NRXN2: variants seen among roughly 807,000 people sequenced by gnomAD.
The protein encoded by NRXN2 is neurexin 2.
NRXN2 carries 29 observed loss-of-function variants against 128.8 expected under a neutral mutation model. The observed-to-expected ratio is 0.23, with a 90% CI of 0.17 to 0.31. The LOEUF is 0.31. Among genes scored for constraint, NRXN2 ranks in the 10% least tolerant of loss-of-function variants. The pLI, the probability that NRXN2 is intolerant of heterozygous loss-of-function variation, is 1.00. For synonymous variants in NRXN2, 1,098 were observed against 1,075.2 expected (o/e 1.02, Z -0.41); for missense variants, 1,881 against 2,452.6 (o/e 0.77, Z 4.92).
Position 64,651,533 on chromosome 11 carries a change from C to T in NRXN2, c.2640G>A (p.Gly880=), listed in dbSNP as rs757725675. Residue 880 remains glycine (G), a synonymous_variant, in exon 14 of 23, where the codon GGG becomes GGA. Transcript: ENST00000265459. This position sits in a 1 kb window ranked among gnomAD's most constrained non-coding sequence, Gnocchi z 5.9. The part of the protein sequence containing the change: ...FISVVPSNFI[G]HLSGLVFNGQ... ...CATTGAACACGAGCCCACTCAGATG[C>T]CCGATGAAGTTGGAGGGCACCACGG... 11 of 1,614,074 alleles carry T rather than the reference C, an allele frequency of 6.8e-6. No homozygotes were observed. Among genetic ancestry groups the T allele is most frequent in the Non-Finnish European group, 8.5e-6 (10 of 1,180,038 alleles).
chr11:64,695,353 A>G (rs549367561), intron 3 of NRXN2, among the ~76,000 whole-genome samples: 1 of 152,266 alleles, frequency 6.6e-6, no homozygotes, highest in East Asian at 1.9e-4. Context: ...GCTGGGAGGA[A>G]AAAGGAGGTG....
At chr11:64,650,088 G>A (rs1422539075) in intron 15 of NRXN2, among the ~76,000 whole-genome samples, 1 of 152,078 alleles carries the variant, frequency 6.6e-6, no homozygotes, top group African/African-American at 2.4e-5. Flanking sequence ...CACCCAGGAG[G>A]ATGCTAAGCT....
chr11:64,635,033 G>A lies in NRXN2; in HGVS notation c.3585+238C>T, dbSNP rs945793363. ...CACAGGTGGTCTCAGGGAGTGGGGA[G>A]CTGGAGAAATTCGAATCAGATGGGA... On this transcript the variant is annotated intron_variant, in intron 18 of 22. Coordinates refer to ENST00000265459, the MANE Select transcript of NRXN2 (RefSeq NM_015080.4). The surrounding 1 kb of genome is among the most constrained non-coding windows in gnomAD (Gnocchi z 4.8). Among the ~76,000 whole-genome samples, 1 of 152,204 alleles carries A rather than the reference G, an allele frequency of 6.6e-6. No individual in the cohort carries two copies. Among genetic ancestry groups the A allele is most frequent in the African/African-American group, 2.4e-5 (1 of 41,450 alleles).
Position 64,713,506 on chromosome 11 carries a change from AGC to A in NRXN2, c.192_193del (p.Leu65AlafsTer231), listed in dbSNP as rs1258839173. 2.6e-6 allele frequency: 4 copies of A among 1,518,988 alleles called. No individual in the cohort carries two copies. The highest frequency in any genetic ancestry group is 3.5e-6 in the Non-Finnish European group (4 of 1,142,278). The allele number at this position is 1,518,988 out of a possible 1,614,324, so 94.1% of individuals were successfully genotyped here. A position where few individuals can be genotyped will look rare whatever the true frequency, so the allele number is the denominator to read the frequency against. On this transcript the variant is annotated frameshift_variant, in exon 2 of 23. Coordinates refer to ENST00000265459, the MANE Select transcript of NRXN2 (RefSeq NM_015080.4). LOFTEE classifies it high-confidence loss of function. Reference sequence around the variant, plus strand: ...GCCGCCGTCGTCCAGGTAGAGCAGCAGCGCGCGCGTGGCGTTGGTGCGCAGGC... The same window carrying A: ...GCCGCCGTCGTCCAGGTAGAGCAGCAGCGCGCGTGGCGTTGGTGCGCAGGC...
Position 64,661,294 on chromosome 11 carries a change from C to G in NRXN2, c.1799-155G>C, listed in dbSNP as rs1304873994. 3.3e-6 allele frequency: 5 copies of G among 1,509,254 alleles called. No homozygotes were observed. The East Asian group carries it at 7.3e-5, about 22-fold the overall frequency. 93.5% of individuals were successfully genotyped at this position (1,509,254 alleles called of 1,614,324 possible). A position where few individuals can be genotyped will look rare whatever the true frequency, so the allele number is the denominator to read the frequency against. ...GAGCAGCAGTCCTGGGCTGGAAGCT[C>G]GGCCTCACTCACTGCAAAAACTGCT... On this transcript the variant is annotated intron_variant, in intron 9 of 22. Coordinates refer to ENST00000265459, the MANE Select transcript of NRXN2 (RefSeq NM_015080.4).
Position 64,667,172 on chromosome 11 carries a change from G to A in NRXN2, c.1798+78C>T, listed in dbSNP as rs1402606959. On this transcript the variant is annotated intron_variant, in intron 9 of 22. Coordinates refer to ENST00000265459, the MANE Select transcript of NRXN2 (RefSeq NM_015080.4). This position sits in a 1 kb window ranked among gnomAD's most constrained non-coding sequence, Gnocchi z 5.6. ...GGAAATGGTGTAGAAGAGACCCGCT[G>A]AAGAGAGACGGAGAGGATGTCAGGG... is the stretch of plus-strand genomic sequence containing the variant. The A allele has an allele frequency of 2.6e-5, 38 of 1,449,332 alleles. No homozygotes were observed. Among genetic ancestry groups the A allele is most frequent in the Admixed American group, 3.4e-5 (2 of 58,360 alleles). The allele number at this position is 1,449,332 out of a possible 1,614,324, so 89.8% of individuals were successfully genotyped here. A position where few individuals can be genotyped will look rare whatever the true frequency, so the allele number is the denominator to read the frequency against.
Position 64,607,853 on chromosome 11 carries a change from G to C in NRXN2, c.4482C>G (p.Gly1494=). ...SDCEEPIEAS[G]FASGEVFDSS... ...AGTCAAAGACCTCCCCGGAGGCGAAGCCCGAGGCCTCGATGGGCTCCTCGC... is the reference window on the plus strand; with the variant it reads ...AGTCAAAGACCTCCCCGGAGGCGAACCCCGAGGCCTCGATGGGCTCCTCGC... The change falls in exon 23 of 23, where the codon GGC becomes GGG. Residue 1494 remains glycine, a synonymous_variant. Transcript: ENST00000265459. 1 of 1,597,548 alleles carries C rather than the reference G, an allele frequency of 6.3e-7. No individual in the cohort carries two copies. Among genetic ancestry groups the C allele is most frequent in the South Asian group, 1.1e-5 (1 of 88,224 alleles).
chr11:64,710,789 C>G (rs1306488645), intron 2 of NRXN2, among the ~76,000 whole-genome samples: 1 of 152,164 alleles, frequency 6.6e-6, no homozygotes, highest in East Asian at 1.9e-4. Flanking sequence ...ACTACTCACT[C>G]TACTAGGCAC....
intron 15 of NRXN2, among the ~76,000 whole-genome samples, chr11:64,650,215 C>A (rs1228289608): frequency 6.6e-6 from 1 of 152,110 alleles, no homozygotes; most frequent in African/African-American, 2.4e-5. Context: ...ACCAAGCACC[C>A]TGTGAGACGC....
intron 2 of NRXN2, 178 bp downstream of exon 2, chr11:64,712,792 C>G (rs1015106627): frequency 1.4e-6 from 1 of 689,728 alleles, no homozygotes; most frequent in African/African-American, 1.8e-5. Context: ...CCACCGCCAA[C>G]CCCACGCGCC....
At chr11:64,696,623 A>T (rs557843785) in intron 3 of NRXN2, among the ~76,000 whole-genome samples, 1 of 151,844 alleles carries the variant, frequency 6.6e-6, no homozygotes, top group Non-Finnish European at 1.5e-5. Flanking sequence ...TCCAAGAGAG[A>T]CAAGTCAGAC....
intron 5 of NRXN2, among the ~76,000 whole-genome samples, chr11:64,690,202 G>C (rs1341468138): frequency 6.6e-6 from 1 of 152,248 alleles, no homozygotes; most frequent in East Asian, 1.9e-4. Context: ...CTTTGCGAAA[G>C]AAATGGAGGT....
At chr11:64,697,872 G>A in intron 2 of NRXN2, 80 bp from the exon 3 acceptor site, 1 of 1,540,110 alleles carries the variant, frequency 6.5e-7, no homozygotes, top group African/African-American at 1.4e-5. Context: ...ACCACGGACA[G>A]GGGCTCCAAG....
chr11:64,647,054 CA>C (rs1243105816), intron 17 of NRXN2, among the ~76,000 whole-genome samples: 2 of 152,106 alleles, frequency 1.3e-5, no homozygotes, highest in Non-Finnish European at 2.9e-5. Context: ...GTAAGAAACT[CA>C]GGACTCATGC....
intron 14 of NRXN2, 136 bp from the exon 15 acceptor site, chr11:64,650,774 C>T (rs1176585119): frequency 5.2e-6 from 4 of 767,486 alleles, no homozygotes; most frequent in Middle Eastern, 2.6e-4. Flanking sequence ...CAGAGGAGAG[C>T]GACCAAAACC....
chr11:64,630,331 C>T lies in NRXN2; in HGVS notation c.3757+71G>A. 6 of 1,386,698 alleles carry T rather than the reference C, an allele frequency of 4.3e-6. No individual in the cohort carries two copies. The highest frequency in any genetic ancestry group is 1.3e-5 in the South Asian group (1 of 78,158). 85.9% of individuals were successfully genotyped at this position (1,386,698 alleles called of 1,614,324 possible). A position where few individuals can be genotyped will look rare whatever the true frequency, so the allele number is the denominator to read the frequency against. On this transcript the variant is annotated intron_variant, in intron 19 of 22. Coordinates refer to ENST00000265459, the MANE Select transcript of NRXN2 (RefSeq NM_015080.4). This position sits in a 1 kb window ranked among gnomAD's most constrained non-coding sequence, Gnocchi z 4.6. Reference sequence around the variant, plus strand: ...AGAGCCGCTTAGCCCCGCCCCGGTGCGGCCGCACTCCTATCAGAGGCCGCC... The same window carrying T: ...AGAGCCGCTTAGCCCCGCCCCGGTGTGGCCGCACTCCTATCAGAGGCCGCC...
chr11:64,663,391 A>AC (rs2049334951), intron 9 of NRXN2, among the ~76,000 whole-genome samples: 1 of 151,218 alleles, frequency 6.6e-6, no homozygotes, highest in Non-Finnish European at 1.5e-5. Context: ...AAAAAAAAAA[A>AC]CCTCACCTGA....
At chr11:64,633,146 T>C (rs983825594) in intron 18 of NRXN2, among the ~76,000 whole-genome samples, 4 of 152,200 alleles carry the variant, frequency 2.6e-5, no homozygotes. Flanking sequence ...TGTTCCTCCA[T>C]AGCCTTGCAC....
At chr11:64,720,212 A>C (rs1177505395) in intron 1 of NRXN2, among the ~76,000 whole-genome samples, 2 of 152,208 alleles carry the variant, frequency 1.3e-5, no homozygotes, top group Admixed American at 1.3e-4. Flanking sequence ...CGTAAATAAC[A>C]AGGTGCCACA....
Sources: gnomAD v4.1 joint callset for allele counts (sites outside exome capture counted in the v4.1 genomes callset) on GRCh38, gnomAD v4.1.1 for gene constraint, Gnocchi (gnomAD v3.1) non-coding constraint, MANE v1.5 for transcripts, NCBI Gene and HGNC (gene_info 2026-07-23, HGNC 2026-07-21) for gene names.